Variants in PDE8B observed in about 807,000 individuals in gnomAD.
The protein encoded by PDE8B is phosphodiesterase 8B.
In PDE8B, 26 loss-of-function variants were observed where a neutral mutation model predicts 101.3. The observed-to-expected ratio is 0.26, with a 90% CI of 0.19 to 0.36. PDE8B has a LOEUF of 0.36. Among genes scored for constraint, PDE8B ranks in the 10% least tolerant of loss-of-function variants. The pLI, the probability that PDE8B is intolerant of heterozygous loss-of-function variation, is 1.00. For missense variants in PDE8B, 810 were observed against 1,163.1 expected, an observed-to-expected ratio of 0.70 and a Z score of 4.42; for synonymous variants, 424 against 429.3, an observed-to-expected ratio of 0.99 and a Z score of 0.15.
chr5:77,194,753 T>G, the PDE8B span, among the ~76,000 whole-genome samples: 1 of 152,364 alleles, frequency 6.6e-6, no homozygotes, highest in African/African-American at 2.4e-5. Flanking sequence ...ATTCATGTGA[T>G]AGTGTGTATT....
At chr5:77,400,439 G>C (rs1792026549) in intron 11 of PDE8B, 149 bp downstream of exon 11, 3 of 686,924 alleles carry the variant, frequency 4.4e-6, no homozygotes, top group Admixed American at 4.5e-5. Flanking sequence ...AGGTTGGCAA[G>C]CCAGAAGAAA....
chr5:77,422,506 G>A lies in PDE8B; in HGVS notation c.2418+518G>A, dbSNP rs1426255688. Among the ~76,000 whole-genome samples the A allele has an allele frequency of 3.3e-5, 5 of 152,110 alleles. No homozygotes were observed. The East Asian group carries it at 7.7e-4, about 23-fold the overall frequency. ...TAGATAAAAGGGGGGCTACAGAAATGGAATAGGAAAAGACTTTCTGGAAGA... is the reference window on the plus strand; with the variant it reads ...TAGATAAAAGGGGGGCTACAGAAATAGAATAGGAAAAGACTTTCTGGAAGA... On this transcript the variant is annotated intron_variant, in intron 20 of 21. Coordinates refer to ENST00000264917, the MANE Select transcript of PDE8B (RefSeq NM_003719.5).
intron 6 of PDE8B, among the ~76,000 whole-genome samples, chr5:77,343,386 G>C (rs895978695): frequency 6.6e-6 from 1 of 152,212 alleles, no homozygotes; most frequent in Non-Finnish European, 1.5e-5. Flanking sequence ...ACAGCCTGTT[G>C]CTCCTAGGCT....
intron 1 of PDE8B, among the ~76,000 whole-genome samples, chr5:77,304,187 A>G (rs1770643274): frequency 1.3e-5 from 2 of 152,190 alleles, no homozygotes; most frequent in Admixed American, 6.5e-5. Context: ...TTTCTTGCCT[A>G]TGCTAGATAA....
intron 1 of PDE8B, among the ~76,000 whole-genome samples, chr5:77,301,384 A>G (rs1169589459): frequency 3.3e-5 from 5 of 152,200 alleles, no homozygotes; most frequent in Non-Finnish European, 7.3e-5. Flanking sequence ...ACTGCTGACC[A>G]TGTAGCAAAA....
intron 10 of PDE8B, among the ~76,000 whole-genome samples, chr5:77,378,622 G>A (rs1786819147): frequency 1.3e-5 from 2 of 152,158 alleles, no homozygotes; most frequent in Admixed American, 1.3e-4. Flanking sequence ...CAGAGAGCTT[G>A]CGAGTCAGTA....
chr5:77,190,610 A>G, the PDE8B span, among the ~76,000 whole-genome samples: 2 of 152,218 alleles, frequency 1.3e-5, no homozygotes, highest in Non-Finnish European at 2.9e-5. Flanking sequence ...GATGAGTGTG[A>G]TGGAGGTGCT....
the PDE8B span, among the ~76,000 whole-genome samples, chr5:77,124,874 T>G: frequency 2.0e-5 from 3 of 152,138 alleles, no homozygotes; most frequent in East Asian, 5.8e-4. Context: ...CAATATCATG[T>G]GTGCATCTGA....
chr5:77,225,882 C>CACA (rs1752278962), intron 1 of PDE8B, among the ~76,000 whole-genome samples: 2 of 94,784 alleles, frequency 2.1e-5, no homozygotes, highest in East Asian at 5.0e-4. Context: ...ACACACACAC[C>CACA]CCACGCACAC....
At chr5:77,276,582 C>T (rs1049074758) in intron 1 of PDE8B, among the ~76,000 whole-genome samples, 1 of 152,116 alleles carries the variant, frequency 6.6e-6, no homozygotes, top group Non-Finnish European at 1.5e-5. Context: ...TCGTTCATGC[C>T]TTCATTTATC....
At chr5:77,146,547 ACT>A in the PDE8B span, 3 of 192,182 alleles carry the variant, frequency 1.6e-5, no homozygotes, top group Non-Finnish European at 3.2e-5. Flanking sequence ...TCTGTGCCTC[ACT>A]GAGGAAAAAT....
At chr5:77,217,837 A>C (rs547383668) in intron 1 of PDE8B, among the ~76,000 whole-genome samples, 94 of 152,308 alleles carry the variant, frequency 6.2e-4, no homozygotes, top group African/African-American at 2.1e-3. Flanking sequence ...TGCTTGGCCC[A>C]AAACACTACT....
chr5:77,407,813 A>G (rs2359876), intron 13 of PDE8B, among the ~76,000 whole-genome samples: 127,205 of 152,148 alleles, frequency 0.84, 53,577 homozygotes, highest in East Asian at 0.93. Context: ...AAAGCATTGC[A>G]ATGGGCGAAG....
At chr5:77,248,471 C>CTTCA (rs374215841) in intron 1 of PDE8B, among the ~76,000 whole-genome samples, 57 of 152,190 alleles carry the variant, frequency 3.7e-4, no homozygotes, top group African/African-American at 1.3e-3. Context: ...GTCTAATGAG[C>CTTCA]TTCAGTTTCT....
chr5:77,421,592 C>G (rs372929328), intron 19 of PDE8B, among the ~76,000 whole-genome samples: 40 of 151,628 alleles, frequency 2.6e-4, no homozygotes, highest in Middle Eastern at 6.8e-3. Flanking sequence ...CTTTCAAACT[C>G]TGTGTGTGTG....
At chr5:77,231,642 C>T (rs541954861) in intron 1 of PDE8B, among the ~76,000 whole-genome samples, 60 of 152,308 alleles carry the variant, frequency 3.9e-4, no homozygotes, top group Admixed American at 8.5e-4. Flanking sequence ...CCCGGTCCCA[C>T]GGGAAACAGC....
intron 10 of PDE8B, among the ~76,000 whole-genome samples, chr5:77,376,239 A>T (rs1387296532): frequency 6.6e-6 from 1 of 152,176 alleles, no homozygotes; most frequent in Non-Finnish European, 1.5e-5. Context: ...AGTAGCTTGA[A>T]TGTGTGATTC....
chr5:77,415,637 G>A (rs1795384513), intron 17 of PDE8B, among the ~76,000 whole-genome samples: 1 of 152,096 alleles, frequency 6.6e-6, no homozygotes, highest in Admixed American at 6.5e-5. Context: ...GGGATTACAG[G>A]TGTGAGCCAC....
intron 1 of PDE8B, among the ~76,000 whole-genome samples, chr5:77,311,139 CA>C (rs34744319): frequency 0.25 from 37,330 of 151,864 alleles, 5,160 homozygotes; most frequent in East Asian, 0.44. Context: ...CAAATGACCA[CA>C]GTCTCTTAGA....
Sources: gnomAD v4.1 joint callset for allele counts (sites outside exome capture counted in the v4.1 genomes callset) on GRCh38, gnomAD v4.1.1 for gene constraint, MANE v1.5 for transcripts, NCBI Gene and HGNC (gene_info 2026-07-23, HGNC 2026-07-21) for gene names.